CDH8: variants seen among roughly 807,000 people sequenced by gnomAD.
The protein encoded by CDH8 is cadherin-8.
CDH8 carries 17 observed loss-of-function variants against 68.1 expected under a neutral mutation model. That is an observed-to-expected ratio of 0.25 (90% confidence interval 0.17 to 0.37). The LOEUF (loss-of-function observed/expected upper bound fraction) is 0.37, where lower values mean the gene tolerates loss of function less well. Among genes scored for constraint, CDH8 ranks in the 10% least tolerant of loss-of-function variants. The probability of loss-of-function intolerance (pLI) is 1.00; values close to 1 mark genes in which losing one functional copy is unlikely to be tolerated. For missense variants in CDH8, 763 were observed against 999.3 expected, an observed-to-expected ratio of 0.76 and a Z score of 3.19; for synonymous variants, 372 against 365.1, an observed-to-expected ratio of 1.02 and a Z score of -0.21.
chr16:61,964,546 TC>T (rs1444450615), intron 2 of CDH8, among the ~76,000 whole-genome samples: 27 of 151,464 alleles, frequency 1.8e-4, no homozygotes, highest in Admixed American at 1.6e-3. Context: ...TTTTTTTTTT[TC>T]CTCAACCAAA....
intron 2 of CDH8, among the ~76,000 whole-genome samples, chr16:61,941,930 T>C (rs541755116): frequency 2.0e-4 from 31 of 152,160 alleles, no homozygotes; most frequent in African/African-American, 7.0e-4. Context: ...CTCTCCCTTA[T>C]ACATTAACCT....
At chr16:61,951,728 ACAGC>A (rs1964901599) in intron 2 of CDH8, among the ~76,000 whole-genome samples, 1 of 152,080 alleles carries the variant, frequency 6.6e-6, no homozygotes, top group Non-Finnish European at 1.5e-5. Flanking sequence ...TTCCTCACCT[ACAGC>A]ACTTTTATAG....
At chr16:61,718,738 T>G (rs538860871) in intron 9 of CDH8, among the ~76,000 whole-genome samples, 1 of 151,312 alleles carries the variant, frequency 6.6e-6, no homozygotes, top group East Asian at 2.0e-4. Context: ...GAAAATGAAA[T>G]AGTATGAAAT....
At chr16:61,801,864 T>C (rs1361873831) in intron 7 of CDH8, among the ~76,000 whole-genome samples, 2 of 151,876 alleles carry the variant, frequency 1.3e-5, no homozygotes, top group Non-Finnish European at 2.9e-5. Flanking sequence ...GAGATCAAAC[T>C]GCAAGGCGGC....
chr16:61,655,555 A>G lies in CDH8; in HGVS notation c.1821T>C (p.Ser607=). Residue 607 remains serine (S), a synonymous_variant, in exon 11 of 12, where the codon TCT becomes TCC. Coordinates refer to ENST00000577390, the MANE Select transcript of CDH8 (RefSeq NM_001796.5). ...CGCSNDGVVQ[S]CNVEAYVLPI... ...GAAGGACATAAGCTTCGACATTGCA[A>G]GACTGGACGACACCGTCATTGCTGC... 1.2e-6 allele frequency: 2 copies of G among 1,614,136 alleles called. No homozygotes were observed. Among genetic ancestry groups the G allele is most frequent in the Non-Finnish European group, 1.7e-6 (2 of 1,180,010 alleles).
chr16:61,853,146 T>C (rs747395324), intron 4 of CDH8, among the ~76,000 whole-genome samples: 9 of 151,978 alleles, frequency 5.9e-5, no homozygotes, highest in African/African-American at 9.7e-5. Context: ...AAAGAACAAA[T>C]GGTATATCTC....
rs7197093 is a variant in CDH8, at chr16:62,025,306, A to G, written c.-199-3704T>C. 4.9e-3 allele frequency among the ~76,000 whole-genome samples: 744 copies of G among 152,272 alleles called. 6 individuals are homozygous for G. The highest frequency in any genetic ancestry group is 0.015 in the African/African-American group (606 of 41,550). On this transcript the variant is annotated intron_variant, in intron 1 of 11. Coordinates refer to ENST00000577390, the MANE Select transcript of CDH8 (RefSeq NM_001796.5). ...CTCCATCTTTTTTCCTACCCATCAA[A>G]TTCATAATAATGATGGTCTCTACAG... is the stretch of plus-strand genomic sequence containing the variant.
chr16:61,908,386 G>A (rs1482374859), intron 2 of CDH8, among the ~76,000 whole-genome samples: 1 of 152,192 alleles, frequency 6.6e-6, no homozygotes, highest in Non-Finnish European at 1.5e-5. Flanking sequence ...GAGCAGACAA[G>A]TGTTTAGGCT....
chr16:61,730,431 G>A (rs1411754322), intron 8 of CDH8, among the ~76,000 whole-genome samples: 1 of 151,296 alleles, frequency 6.6e-6, no homozygotes, highest in African/African-American at 2.4e-5. Context: ...TTGTGTCCCG[G>A]CACCTCTGCA....
intron 10 of CDH8, among the ~76,000 whole-genome samples, chr16:61,701,207 C>T (rs1964422931): frequency 6.6e-6 from 1 of 152,032 alleles, no homozygotes; most frequent in Non-Finnish European, 1.5e-5. Context: ...TTCTAATGTC[C>T]CAATTGAAGT....
intron 2 of CDH8, among the ~76,000 whole-genome samples, chr16:61,953,895 T>TTATATATA (rs66743095): frequency 0.014 from 1,608 of 118,766 alleles, 14 homozygotes; most frequent in Non-Finnish European, 0.018. Context: ...AAAAAAAACT[T>TTATATATA]TATATATATA....
chr16:61,742,900 T>C (rs1211077615), intron 8 of CDH8, among the ~76,000 whole-genome samples: 4 of 152,166 alleles, frequency 2.6e-5, no homozygotes, highest in African/African-American at 9.7e-5. Context: ...AGAACTTATG[T>C]GTCAGAGTTG....
At chr16:62,031,498 C>T (rs2150622699) in intron 1 of CDH8, among the ~76,000 whole-genome samples, 1 of 152,128 alleles carries the variant, frequency 6.6e-6, no homozygotes, top group Admixed American at 6.6e-5. Flanking sequence ...TGTGCTTAGC[C>T]CTGAACCATC....
intron 7 of CDH8, among the ~76,000 whole-genome samples, chr16:61,790,074 A>T (rs1448728883): frequency 6.6e-6 from 1 of 151,918 alleles, no homozygotes; most frequent in Non-Finnish European, 1.5e-5. Flanking sequence ...GGTTGTTTTT[A>T]AAAAGTTTTT....
At chr16:61,782,078 C>A (rs1038170271) in intron 8 of CDH8, among the ~76,000 whole-genome samples, 1 of 152,096 alleles carries the variant, frequency 6.6e-6, no homozygotes, top group African/African-American at 2.4e-5. Context: ...AACAAACATT[C>A]GGAGGAGCCA....
At chr16:62,021,117 G>C (rs753169981) in intron 2 of CDH8, 35 bp downstream of exon 2, 1 of 1,580,844 alleles carries the variant, frequency 6.3e-7, no homozygotes, top group South Asian at 1.1e-5. Flanking sequence ...ACCACTAACA[G>C]ACCCTGAAAT....
intron 10 of CDH8, among the ~76,000 whole-genome samples, chr16:61,690,127 T>C (rs1964189643): frequency 6.6e-6 from 1 of 152,086 alleles, no homozygotes; most frequent in South Asian, 2.1e-4. Flanking sequence ...ATACTGGTAT[T>C]TTGGCAATGC....
At chr16:61,829,854 T>G (rs932113324) in intron 4 of CDH8, among the ~76,000 whole-genome samples, 4 of 151,984 alleles carry the variant, frequency 2.6e-5, no homozygotes, top group South Asian at 4.1e-4. Context: ...CATTAAAACA[T>G]CCAAGACAGA....
chr16:62,021,747 A>G, intron 1 of CDH8, 145 bp from the exon 2 acceptor site: 1 of 411,138 alleles, frequency 2.4e-6, no homozygotes, highest in Non-Finnish European at 4.2e-6. Flanking sequence ...AAGAATTAGA[A>G]TAAGTAGCCT....
Sources: allele counts gnomAD v4.1 joint callset (sites outside exome capture counted in the v4.1 genomes callset), GRCh38; gene constraint gnomAD v4.1.1; transcripts MANE v1.5; gene names NCBI Gene and HGNC (gene_info 2026-07-23, HGNC 2026-07-21).